Variants in CRTC1 observed in about 807,000 individuals in gnomAD.
The protein encoded by CRTC1 is CREB regulated transcription coactivator 1.
Under a neutral mutation model 66.1 loss-of-function variants are expected in CRTC1, and 18 were observed. The observed-to-expected ratio is 0.27, with a 90% CI of 0.19 to 0.40. CRTC1 has a LOEUF of 0.40. Ranked by LOEUF, CRTC1 falls within the 10% of genes least tolerant of loss-of-function variation. CRTC1 has a pLI of 1.00. For synonymous variants in CRTC1, 416 were observed against 398.8 expected (o/e 1.04, Z -0.51); for missense variants, 669 against 887.9 (o/e 0.75, Z 3.13).
At position 18,715,771 on chromosome 19, in the gene CRTC1, AG is replaced by A. The variant is rs1256031985; in HGVS notation, c.127-27134del. 3.3e-5 allele frequency among the ~76,000 whole-genome samples: 5 copies of A among 152,298 alleles called. No homozygotes were observed. The East Asian group carries it at 9.7e-4, about 29-fold the overall frequency. On this transcript the variant is annotated intron_variant, in intron 1 of 13. Transcript: ENST00000321949. Reference sequence around the variant, plus strand: ...TGCACGTGCAGGTGGGCTCCCAGGCAGGGGGTCTCTCTGAGTTGGCCTGTTT... The same window carrying A: ...TGCACGTGCAGGTGGGCTCCCAGGCAGGGGTCTCTCTGAGTTGGCCTGTTT...
rs770215721 is a variant in CRTC1, at chr19:18,765,446, G to C, written c.929G>C (p.Gly310Ala). The C allele has an allele frequency of 5.6e-6, 9 of 1,612,976 alleles. No individual in the cohort carries two copies. In the South Asian group the frequency reaches 9.9e-5, roughly 18 times the overall value. The change falls in exon 9 of 14, where the codon GGC becomes GCC. Residue 310 changes from glycine to alanine, a missense_variant. Physicochemically the swap from Gly to Ala is moderately conservative, Grantham distance 60. Around this residue, in one of 8 missense-constraint regions of CRTC1, gnomAD observed 241 missense variants for 242.2 expected, o/e 0.99. Coordinates refer to ENST00000321949, the MANE Select transcript of CRTC1 (RefSeq NM_015321.3). ...PGSSPQHRPA[G>A]VSPLSLSTEA... Reference sequence around the variant, plus strand: ...TCCTCTCCACAGCACCGCCCAGCTGGCGTCAGCCCCCTGTCCCTGAGCACA... The same window carrying C: ...TCCTCTCCACAGCACCGCCCAGCTGCCGTCAGCCCCCTGTCCCTGAGCACA...
At chr19:18,762,626 G>A (rs1197050659) in intron 8 of CRTC1, among the ~76,000 whole-genome samples, 1 of 152,208 alleles carries the variant, frequency 6.6e-6, no homozygotes, top group Non-Finnish European at 1.5e-5. Flanking sequence ...TCCTGGCCCA[G>A]CTTTGAGGCC....
At chr19:18,756,355 A>AAAAT (rs1555786033) in intron 6 of CRTC1, among the ~76,000 whole-genome samples, 1 of 147,596 alleles carries the variant, frequency 6.8e-6, no homozygotes, top group Non-Finnish European at 1.5e-5. Context: ...AAAAAAAAAA[A>AAAAT]CTCTAGGCTG....
At chr19:18,740,572 T>A (rs1600898418) in intron 1 of CRTC1, among the ~76,000 whole-genome samples, 1 of 152,264 alleles carries the variant, frequency 6.6e-6, no homozygotes, top group East Asian at 1.9e-4. Flanking sequence ...ACAATGACAC[T>A]CTTATCAGGC....
chr19:18,770,916 TTGTG>T (rs897383896), intron 10 of CRTC1, among the ~76,000 whole-genome samples: 2 of 146,112 alleles, frequency 1.4e-5, no homozygotes, highest in Non-Finnish European at 3.0e-5. Context: ...GTATGTACGT[TTGTG>T]TGTGGATGTG....
Position 18,747,129 on chromosome 19 carries a change from ACCCC to A in CRTC1, c.443+22_443+25del. 8.1e-6 allele frequency: 9 copies of A among 1,106,408 alleles called. No homozygotes were observed. The highest frequency in any genetic ancestry group is 1.1e-5 in the Non-Finnish European group (9 of 799,946). The allele number at this position is 1,106,408 out of a possible 1,614,324, so 68.5% of individuals were successfully genotyped here. ...AGCTGGAGAAGGTCAGTGGCTGGACACCCCCCCCCCGCCCCCTTCTTGTTGGAAA... is the reference window on the plus strand; with the variant it reads ...AGCTGGAGAAGGTCAGTGGCTGGACACCCCCCGCCCCCTTCTTGTTGGAAA... On this transcript the variant is annotated intron_variant, in intron 4 of 13. Coordinates refer to ENST00000321949, the MANE Select transcript of CRTC1 (RefSeq NM_015321.3).
At chr19:18,699,379 T>C (rs2053076624) in intron 1 of CRTC1, among the ~76,000 whole-genome samples, 1 of 152,204 alleles carries the variant, frequency 6.6e-6, no homozygotes, top group African/African-American at 2.4e-5. Context: ...TGAGCCTGTA[T>C]ACTTGTACGG....
At chr19:18,734,949 G>A (rs2053966261) in intron 1 of CRTC1, among the ~76,000 whole-genome samples, 1 of 152,200 alleles carries the variant, frequency 6.6e-6, no homozygotes, top group African/African-American at 2.4e-5. Flanking sequence ...CCCGGCCTCT[G>A]GGAGAATGAA....
chr19:18,722,025 G>A lies in CRTC1; in HGVS notation c.127-20885G>A, dbSNP rs150922768. 1.3e-4 allele frequency among the ~76,000 whole-genome samples: 20 copies of A among 152,308 alleles called. No homozygotes were observed. In the South Asian group the frequency reaches 2.3e-3, roughly 17 times the overall value. ...GGAGTACCTAGGTCACCGTGCAGCC[G>A]GGGTCTCAGCAGAGGCCGGAGTCTG... On this transcript the variant is annotated intron_variant, in intron 1 of 13. Coordinates refer to ENST00000321949, the MANE Select transcript of CRTC1 (RefSeq NM_015321.3).
intron 1 of CRTC1, among the ~76,000 whole-genome samples, chr19:18,727,328 T>G (rs527916056): frequency 1.3e-5 from 2 of 151,376 alleles, no homozygotes; most frequent in Non-Finnish European, 2.9e-5. Context: ...ACGCGTGTAA[T>G]CCGAGCACTT....
chr19:18,722,395 G>A (rs2053650411), intron 1 of CRTC1, among the ~76,000 whole-genome samples: 1 of 152,178 alleles, frequency 6.6e-6, no homozygotes, highest in Non-Finnish European at 1.5e-5. Flanking sequence ...CTGGCCTTAT[G>A]TGGAAAAAAG....
Position 18,775,003 on chromosome 19 carries a change from G to C in CRTC1, c.1512+17G>C, listed in dbSNP as rs201585173. 4 of 1,600,080 alleles carry C rather than the reference G, an allele frequency of 2.5e-6. No homozygotes were observed. The African/African-American group carries it at 4.0e-5, about 16-fold the overall frequency. On this transcript the variant is annotated intron_variant, in intron 12 of 13. Transcript: ENST00000321949. The stretch of plus-strand genomic sequence containing the variant: ...TCCCACCAGGTGAGCGGGCGCCCAG[G>C]CTGCCAGCCGGCCGGTGCCCAGGAC...
At chr19:18,776,018 A>G (rs942836349) in intron 13 of CRTC1, among the ~76,000 whole-genome samples, 197 bp downstream of exon 13, 13 of 152,142 alleles carry the variant, frequency 8.5e-5, no homozygotes, top group African/African-American at 3.1e-4. Context: ...AGGCCAGGCC[A>G]GGGAGATGCC....
chr19:18,693,160 G>A (rs921571613), intron 1 of CRTC1, among the ~76,000 whole-genome samples: 1 of 151,842 alleles, frequency 6.6e-6, no homozygotes, highest in Non-Finnish European at 1.5e-5. Context: ...GGAGGCCGAG[G>A]TGGGCAGATC....
At chr19:18,698,923 G>A (rs2053065780) in intron 1 of CRTC1, among the ~76,000 whole-genome samples, 1 of 151,894 alleles carries the variant, frequency 6.6e-6, no homozygotes, top group Non-Finnish European at 1.5e-5. Flanking sequence ...GGTGCACAGT[G>A]TGTATTTAGC....
intron 11 of CRTC1, among the ~76,000 whole-genome samples, chr19:18,772,868 T>TG (rs1555788893): frequency 6.6e-6 from 1 of 152,018 alleles, no homozygotes; most frequent in East Asian, 1.9e-4. Flanking sequence ...CTGTTGGGGA[T>TG]GGGGCTGGAG....
At position 18,775,745 on chromosome 19, in the gene CRTC1, C is replaced by A; in HGVS notation, c.1617C>A (p.Gly539=). 6.2e-7 allele frequency: 1 copy of A among 1,612,430 alleles called. No homozygotes were observed. Among genetic ancestry groups the A allele is most frequent in the Non-Finnish European group, 8.5e-7 (1 of 1,179,730 alleles). ...AGGCGGCCATGATGGGCCTCACGGGCAGCCACGGGAGCCTGCCGGACTCGC... is the reference window on the plus strand; with the variant it reads ...AGGCGGCCATGATGGGCCTCACGGGAAGCCACGGGAGCCTGCCGGACTCGC... ...YSQAAMMGLT[G]SHGSLPDSQQ... Residue 539 remains glycine (G), a synonymous_variant, in exon 13 of 14, where the codon GGC becomes GGA. Coordinates refer to ENST00000321949, the MANE Select transcript of CRTC1 (RefSeq NM_015321.3).
intron 1 of CRTC1, among the ~76,000 whole-genome samples, chr19:18,703,694 C>T (rs2053198945): frequency 6.6e-6 from 1 of 151,902 alleles, no homozygotes. Flanking sequence ...AACTGCTGAC[C>T]TCAGATGATT....
In CRTC1 at chr19:18,726,996, T is replaced by C. The variant is rs139600981; in HGVS notation, c.127-15914T>C. Among the ~76,000 whole-genome samples the C allele has an allele frequency of 5.4e-3, 781 of 144,336 alleles. 6 individuals carry two copies. Among genetic ancestry groups the C allele is most frequent in the African/African-American group, 0.017 (665 of 38,672 alleles). The allele number at this position is 144,336 out of a possible 152,430, so 94.7% of individuals were successfully genotyped here. A position where few individuals can be genotyped will look rare whatever the true frequency, so the allele number is the denominator to read the frequency against. On this transcript the variant is annotated intron_variant, in intron 1 of 13. Transcript: ENST00000321949. ...GCACGGTGGCCTAGGCCTTTAATCC[T>C]AGCACTTTGGAAGGCCGAGGTGGGA...
Sources: gnomAD v4.1 joint callset for allele counts (sites outside exome capture counted in the v4.1 genomes callset) on GRCh38, gnomAD v4.1.1 for gene constraint, gnomAD v4.1.1 regional missense constraint, MANE v1.5 for transcripts, NCBI Gene and HGNC (gene_info 2026-07-23, HGNC 2026-07-21) for gene names.